The following DOCK5 variants were observed in gnomAD, a reference collection of about 807,000 sequenced individuals.
DOCK5 encodes dedicator of cytokinesis 5.
DOCK5 carries 142 observed loss-of-function variants against 251.8 expected under a neutral mutation model. That is an observed-to-expected ratio of 0.56 (90% CI 0.49 to 0.65). DOCK5 has a LOEUF of 0.65. Ranked by LOEUF, DOCK5 falls within the 30% of genes least tolerant of loss-of-function variation. DOCK5 has a pLI of 0.00. For synonymous variants in DOCK5, 842 were observed against 835.5 expected (o/e 1.01, Z -0.13); for missense variants, 2,111 against 2,312.3 (o/e 0.91, Z 1.79).
rs1801392673 is a variant in DOCK5 at position 25,184,952 on chromosome 8, G to A, written c.43+1G>A. 1 of 1,432,408 alleles carries A rather than the reference G, an allele frequency of 7.0e-7. No homozygotes were observed. The highest frequency in any genetic ancestry group is 2.8e-5 in the East Asian group (1 of 35,896). The allele number at this position is 1,432,408 out of a possible 1,614,324, so 88.7% of individuals were successfully genotyped here. On this transcript the variant is annotated splice_donor_variant, in intron 1 of 51. Transcript: ENST00000276440. LOFTEE classifies it high-confidence loss of function. ...ACCAAGAGGCAGAAGTACGGGGTTGGTGAGTGCGCGCCCCACCTTGTCCCG... is the reference window on the plus strand; with the variant it reads ...ACCAAGAGGCAGAAGTACGGGGTTGATGAGTGCGCGCCCCACCTTGTCCCG...
At chr8:25,358,455 T>C (rs1362168250) in intron 27 of DOCK5, among the ~76,000 whole-genome samples, 1 of 152,096 alleles carries the variant, frequency 6.6e-6, no homozygotes, top group Non-Finnish European at 1.5e-5. Context: ...CAAGATGAGA[T>C]TTGGGTGGGG....
intron 2 of DOCK5, among the ~76,000 whole-genome samples, chr8:25,251,508 A>G (rs1445330285): frequency 6.6e-6 from 1 of 152,214 alleles, no homozygotes; most frequent in Non-Finnish European, 1.5e-5. Context: ...TAATCAAAAA[A>G]TCTACTTCCC....
intron 17 of DOCK5, among the ~76,000 whole-genome samples, 160 bp from the exon 18 acceptor site, chr8:25,325,200 ATGTT>A (rs1228416796): frequency 3.9e-5 from 6 of 152,146 alleles, no homozygotes; most frequent in Admixed American, 3.9e-4. Flanking sequence ...TCTGGGCTCA[ATGTT>A]TACAGAAAGA....
chr8:25,302,428 G>A lies in DOCK5; in HGVS notation c.950G>A (p.Gly317Glu). 1 of 1,579,476 alleles carries A rather than the reference G, an allele frequency of 6.3e-7. No homozygotes were observed. The highest frequency in any genetic ancestry group is 8.6e-7 in the Non-Finnish European group (1 of 1,162,608). ...ELKEGKKHTC[G>E]LRRPFGVAVM... ...AAGGAAGGCAAGAAGCACACCTGTG[G>A]ACTCCGAAGACCTTTTGGAGTGGCA... is the stretch of plus-strand genomic sequence containing the variant. Residue 317 changes from glycine (G) to glutamate (E), a missense_variant, in exon 10 of 52, where the codon GGA becomes GAA. Gly to Glu is a moderately conservative substitution (Grantham distance 98, BLOSUM62 -2). Transcript: ENST00000276440.
chr8:25,328,429 A>T (rs2117211649), intron 18 of DOCK5, among the ~76,000 whole-genome samples: 1 of 152,304 alleles, frequency 6.6e-6, no homozygotes, highest in African/African-American at 2.4e-5. Flanking sequence ...TTCCAGGGAC[A>T]AATGATTGCA....
At chr8:25,224,661 A>T (rs1802483166) in intron 1 of DOCK5, among the ~76,000 whole-genome samples, 1 of 152,346 alleles carries the variant, frequency 6.6e-6, no homozygotes, top group South Asian at 2.1e-4. Flanking sequence ...GGCTGGCCTG[A>T]GGCTCTTCTC....
At chr8:25,307,673 C>T (rs1412880669) in intron 11 of DOCK5, among the ~76,000 whole-genome samples, 2 of 152,138 alleles carry the variant, frequency 1.3e-5, no homozygotes, top group African/African-American at 4.8e-5. Flanking sequence ...TCTGAACCAG[C>T]TTTCCTCCAG....
chr8:25,308,516 T>C (rs149129305), intron 11 of DOCK5, among the ~76,000 whole-genome samples: 1 of 152,320 alleles, frequency 6.6e-6, no homozygotes, highest in Non-Finnish European at 1.5e-5. Context: ...CATGGAGTGT[T>C]GCCTCTGATT....
At position 25,292,104 on chromosome 8, in the gene DOCK5, G is replaced by T; in HGVS notation, c.402G>T (p.Gly134=). The part of the protein sequence containing the change: ...LIEWRSQILS[G]TLPKDELAEL... ...AGTGGCGGTCCCAGATCCTGTCTGG[G>T]ACGCTCCCCAAGGATGAACTGGCAG... Residue 134 remains glycine (G), a synonymous_variant, in exon 6 of 52, where the codon GGG becomes GGT. Transcript: ENST00000276440. 2 of 1,590,732 alleles carry T rather than the reference G, an allele frequency of 1.3e-6. No homozygotes were observed. The highest frequency in any genetic ancestry group is 1.7e-6 in the Non-Finnish European group (2 of 1,167,720).
chr8:25,316,946 C>T, intron 13 of DOCK5, 61 bp from the exon 14 acceptor site: 1 of 1,596,310 alleles, frequency 6.3e-7, no homozygotes, highest in South Asian at 1.1e-5. Context: ...TGTCGTATGA[C>T]ATTCTGAAAC....
chr8:25,362,833 A>C (rs569653750), intron 28 of DOCK5, among the ~76,000 whole-genome samples: 37 of 152,220 alleles, frequency 2.4e-4, no homozygotes, highest in African/African-American at 8.7e-4. Context: ...TTTTGTCCTC[A>C]TCTTCCTTAT....
Position 25,401,158 on chromosome 8 carries a change from A to G in DOCK5, c.4926+92A>G, listed in dbSNP as rs1586397313. 6 of 1,534,618 alleles carry G rather than the reference A, an allele frequency of 3.9e-6. No homozygotes were observed. In the East Asian group the frequency reaches 1.4e-4, roughly 35 times the overall value. On this transcript the variant is annotated intron_variant, in intron 47 of 51. Transcript: ENST00000276440. The stretch of plus-strand genomic sequence containing the variant: ...GTTTTTCAGATGCCAAGTGAGTTGT[A>G]ATAACTTAGCTATGGCATGGAAATA...
At chr8:25,351,634 A>G in intron 26 of DOCK5, 97 bp from the exon 27 acceptor site, 2 of 907,358 alleles carry the variant, frequency 2.2e-6, no homozygotes, top group East Asian at 5.3e-5. Flanking sequence ...GGAAAAGCCA[A>G]AAAGAGATCT....
At chr8:25,249,266 A>G (rs1803203924) in intron 2 of DOCK5, among the ~76,000 whole-genome samples, 1 of 152,082 alleles carries the variant, frequency 6.6e-6, no homozygotes, top group Admixed American at 6.6e-5. Context: ...CTCCCAGAGT[A>G]TAGGGATTAC....
At chr8:25,339,491 G>C (rs777403023) in intron 22 of DOCK5, among the ~76,000 whole-genome samples, 6 of 152,212 alleles carry the variant, frequency 3.9e-5, no homozygotes, top group Non-Finnish European at 7.3e-5. Context: ...ACCCCTAAAT[G>C]AAGGCAGTGT....
chr8:25,296,551 G>A lies in DOCK5; in HGVS notation c.509G>A (p.Gly170Glu). Residue 170 changes from glycine to glutamate, a missense_variant, in exon 7 of 52, where the codon GGG becomes GAG. Physicochemically the swap from Gly to Glu is moderately conservative, Grantham distance 98 (BLOSUM62 -2). Coordinates refer to ENST00000276440, the MANE Select transcript of DOCK5 (RefSeq NM_024940.8). ...GLDLVVRDDN[G>E]NILDPDETST... The stretch of plus-strand genomic sequence containing the variant: ...GATCTGGTGGTGCGAGATGACAATG[G>A]GAACATCCTAGACCCTGACGAAACC... The A allele has an allele frequency of 1.9e-6, 3 of 1,611,636 alleles. No individual in the cohort carries two copies. The highest frequency in any genetic ancestry group is 2.5e-6 in the Non-Finnish European group (3 of 1,178,964).
intron 2 of DOCK5, among the ~76,000 whole-genome samples, chr8:25,263,302 A>G (rs1475688473): frequency 1.3e-5 from 2 of 151,794 alleles, no homozygotes; most frequent in Non-Finnish European, 2.9e-5. Flanking sequence ...TGGGGACAGA[A>G]AAATAGGAAC....
chr8:25,295,773 A>G (rs1366621914), intron 6 of DOCK5, among the ~76,000 whole-genome samples: 1 of 152,152 alleles, frequency 6.6e-6, no homozygotes, highest in African/African-American at 2.4e-5. Flanking sequence ...ATTATAATCA[A>G]TCAATGTTTG....
rs7837777 is a variant in DOCK5, at chr8:25,229,215, C to T, written c.44-14459C>T. ...AATTGCTTGGAGCCAGGTGCAGTGG[C>T]TCACGTCTGTAATCGCAGCACTTTG... is the stretch of plus-strand genomic sequence containing the variant. On this transcript the variant is annotated intron_variant, in intron 1 of 51. Transcript: ENST00000276440. 9.5e-3 allele frequency among the ~76,000 whole-genome samples: 1,442 copies of T among 152,292 alleles called. 23 individuals carry two copies. Among genetic ancestry groups the T allele is most frequent in the African/African-American group, 0.033 (1,385 of 41,554 alleles).
Sources: allele counts gnomAD v4.1 joint callset (sites outside exome capture counted in the v4.1 genomes callset), GRCh38; gene constraint gnomAD v4.1.1; transcripts MANE v1.5; gene names NCBI Gene and HGNC (gene_info 2026-07-23, HGNC 2026-07-21).